The following TRPM2 variants were observed in gnomAD, a reference collection of about 807,000 sequenced individuals.
TRPM2 encodes the protein transient receptor potential cation channel subfamily M member 2, also known as estrogen-responsive element-associated gene 1 protein.
Under a neutral mutation model 174.0 loss-of-function variants are expected in TRPM2, and 161 were observed. The ratio of observed to expected loss-of-function variants is 0.93; its 90% CI spans 0.81 to 1.05. The LOEUF is 1.05. Ranked by LOEUF, TRPM2 falls within the 50% of genes least tolerant of loss-of-function variation. The pLI is 0.00. For synonymous variants in TRPM2, 954 were observed against 861.3 expected, an observed-to-expected ratio of 1.11 and a Z score of -1.88; for missense variants, 2,057 against 2,038.0, an observed-to-expected ratio of 1.01 and a Z score of -0.18.
chr21:44,400,390 G>T lies in TRPM2; in HGVS notation c.2321+19G>T. On this transcript the variant is annotated intron_variant, in intron 15 of 31. Transcript: ENST00000397928. ...CCTTCAGGTGCTGCAGGGCTGCGGGGCTGCGGGACTGTGGGGCTGCGGGGC... is the reference window on the plus strand; with the variant it reads ...CCTTCAGGTGCTGCAGGGCTGCGGGTCTGCGGGACTGTGGGGCTGCGGGGC... 1 of 1,592,028 alleles carries T rather than the reference G, an allele frequency of 6.3e-7. No individual in the cohort carries two copies.
chr21:44,427,331 G>GCC (rs993439920), intron 27 of TRPM2, among the ~76,000 whole-genome samples: 8 of 152,244 alleles, frequency 5.3e-5, no homozygotes, highest in African/African-American at 1.9e-4. Context: ...GGCAGGCCCT[G>GCC]CCCCATGGTC....
Position 44,377,774 on chromosome 21 carries a change from G to A in TRPM2, c.1014+1G>A, listed in dbSNP as rs762694177. 29 of 1,614,008 alleles carry A rather than the reference G, an allele frequency of 1.8e-5. No individual in the cohort carries two copies. The highest frequency in any genetic ancestry group is 1.6e-4 in the Middle Eastern group (1 of 6,072). On this transcript the variant is annotated splice_donor_variant, in intron 7 of 31. Transcript: ENST00000397928. LOFTEE classifies it high-confidence loss of function. ...GGAGGGCGGCCCGGGCACGTTGCAC[G>A]TGAGTATGGCCAGGTGGGAGGGGGC... is the stretch of plus-strand genomic sequence containing the variant.
chr21:44,352,428 G>C (rs1002394299), upstream of TRPM2, among the ~76,000 whole-genome samples: 1 of 152,240 alleles, frequency 6.6e-6, no homozygotes, highest in Admixed American at 6.5e-5. Context: ...TTCGAGCTGC[G>C]TGGCCCCGAA....
chr21:44,373,938 A>G (rs2048618564), intron 5 of TRPM2, among the ~76,000 whole-genome samples: 1 of 151,638 alleles, frequency 6.6e-6, no homozygotes, highest in South Asian at 2.1e-4. Context: ...CTGAGCCCTC[A>G]CCAGAAGAAG....
intron 31 of TRPM2, among the ~76,000 whole-genome samples, chr21:44,441,368 G>A (rs895957308): frequency 2.0e-5 from 3 of 152,230 alleles, no homozygotes; most frequent in Admixed American, 6.5e-5. Context: ...TCTTTATGGG[G>A]ATGTGGATTC....
chr21:44,402,342 C>T (rs556074927), intron 16 of TRPM2, among the ~76,000 whole-genome samples: 1 of 152,314 alleles, frequency 6.6e-6, no homozygotes, highest in East Asian at 1.9e-4. Context: ...CTAAACCAGC[C>T]AGGGGGAGGG....
chr21:44,420,848 C>T (rs571613573), intron 22 of TRPM2, among the ~76,000 whole-genome samples: 2 of 152,332 alleles, frequency 1.3e-5, no homozygotes, highest in South Asian at 4.1e-4. Context: ...CATCATCTCG[C>T]TCAACCCTTT....
chr21:44,425,162 C>T (rs1223873402), intron 24 of TRPM2: 13 of 547,266 alleles, frequency 2.4e-5, no homozygotes, highest in East Asian at 1.5e-4. Context: ...GGTTCCTGGA[C>T]GTCCACGGGG....
Position 44,426,602 on chromosome 21 carries a change from T to C in TRPM2, c.3796-58T>C, listed in dbSNP as rs538208124. On this transcript the variant is annotated intron_variant, in intron 25 of 31. Transcript: ENST00000397928. ...TGAGCAGCCCTTTCACCCTGGTGCC[T>C]GGCCCAGCTTTGCAGTGGGGGTAAA... is the stretch of plus-strand genomic sequence containing the variant. 1.4e-4 allele frequency: 219 copies of C among 1,577,432 alleles called. No homozygotes were observed. The African/African-American group carries it at 2.6e-3, about 19-fold the overall frequency.
In TRPM2 at chr21:44,399,273, G is replaced by T; in HGVS notation, c.2063-23G>T. Reference sequence around the variant, plus strand: ...AGTGATTGTGACCTGCTGCTCTGACGGGGCTCTCATATCTCCGCCCAGGGG... The same window carrying T: ...AGTGATTGTGACCTGCTGCTCTGACTGGGCTCTCATATCTCCGCCCAGGGG... On this transcript the variant is annotated intron_variant, in intron 13 of 31. Transcript: ENST00000397928. This position sits in a 1 kb window ranked among gnomAD's most constrained non-coding sequence, Gnocchi z 4.6. 1 of 1,603,280 alleles carries T rather than the reference G, an allele frequency of 6.2e-7. No homozygotes were observed. The highest frequency in any genetic ancestry group is 1.1e-5 in the South Asian group (1 of 90,016).
At chr21:44,370,314 T>C (rs1347757952) in intron 5 of TRPM2, among the ~76,000 whole-genome samples, 1 of 152,148 alleles carries the variant, frequency 6.6e-6, no homozygotes, top group East Asian at 1.9e-4. Context: ...AATCCCACTG[T>C]GCTGTGGTCC....
At chr21:44,409,907 C>T (rs531226423) in intron 19 of TRPM2, among the ~76,000 whole-genome samples, 18 of 133,986 alleles carry the variant, frequency 1.3e-4, no homozygotes, top group African/African-American at 3.7e-4. Context: ...ACTGTCTTGG[C>T]GTAGCCTTGT....
At chr21:44,360,925 T>C (rs561297689) in intron 2 of TRPM2, among the ~76,000 whole-genome samples, 1 of 152,240 alleles carries the variant, frequency 6.6e-6, no homozygotes, top group South Asian at 2.1e-4. Flanking sequence ...GATACAGCAC[T>C]GTCCATCTCC....
At position 44,366,410 on chromosome 21, in the gene TRPM2, G is replaced by A. The variant is rs1198663892; in HGVS notation, c.424-344G>A. ...GGGGGAGGCAGGGCCCAGGCGCTAC[G>A]GCGGGAATTGGAGTCTGTGCTGGCG... On this transcript the variant is annotated intron_variant, in intron 3 of 31. Coordinates refer to ENST00000397928, the MANE Select transcript of TRPM2 (RefSeq NM_003307.4). The surrounding 1 kb of genome is among the most constrained non-coding windows in gnomAD (Gnocchi z 6.0). Among the ~76,000 whole-genome samples, 7 of 132,794 alleles carry A rather than the reference G, an allele frequency of 5.3e-5. No individual in the cohort carries two copies. The highest frequency in any genetic ancestry group is 1.9e-4 in the East Asian group (1 of 5,130). 87.1% of individuals were successfully genotyped at this position (132,794 alleles called of 152,430 possible). A position where few individuals can be genotyped will look rare whatever the true frequency, so the allele number is the denominator to read the frequency against.
intron 12 of TRPM2, among the ~76,000 whole-genome samples, chr21:44,397,108 G>T (rs1025781835): frequency 1.3e-5 from 2 of 151,036 alleles, no homozygotes; most frequent in East Asian, 2.0e-4. Context: ...GCACAATCTC[G>T]GCTCACTGCA....
At chr21:44,379,697 C>A (rs1445520072) in intron 8 of TRPM2, among the ~76,000 whole-genome samples, 1 of 152,204 alleles carries the variant, frequency 6.6e-6, no homozygotes, top group African/African-American at 2.4e-5. Flanking sequence ...CCCCAGCCTC[C>A]AGAGGGGGTC....
At chr21:44,424,093 C>T (rs905256421) in intron 23 of TRPM2, among the ~76,000 whole-genome samples, 54 of 152,310 alleles carry the variant, frequency 3.5e-4, no homozygotes, top group Admixed American at 2.7e-3. Flanking sequence ...GACTTAGAGA[C>T]GGCCTCTCAG....
intron 22 of TRPM2, among the ~76,000 whole-genome samples, chr21:44,419,273 T>C (rs1369885789): frequency 1.3e-5 from 2 of 152,104 alleles, no homozygotes; most frequent in African/African-American, 2.4e-5. Flanking sequence ...ATCCTGGAGC[T>C]GGCAAGGGAT....
chr21:44,407,419 C>A (rs921234053), intron 19 of TRPM2, among the ~76,000 whole-genome samples: 1 of 145,456 alleles, frequency 6.9e-6, no homozygotes, highest in South Asian at 2.2e-4. Flanking sequence ...AGCCACCATG[C>A]CTGCCAGAGA....
Sources: gnomAD v4.1 joint callset for allele counts (sites outside exome capture counted in the v4.1 genomes callset) on GRCh38, gnomAD v4.1.1 for gene constraint, Gnocchi (gnomAD v3.1) non-coding constraint, MANE v1.5 for transcripts, NCBI Gene and HGNC (gene_info 2026-07-23, HGNC 2026-07-21) for gene names.